CCDC178: variants seen among roughly 807,000 people sequenced by gnomAD.
CCDC178 encodes the protein coiled-coil domain-containing protein 178.
CCDC178 carries 126 observed loss-of-function variants against 117.4 expected under a neutral mutation model. The observed-to-expected ratio is 1.07, with a 90% CI of 0.93 to 1.24. CCDC178 has a LOEUF of 1.24. Among genes scored for constraint, CCDC178 ranks in the 50% most tolerant of loss-of-function variants. The pLI is 0.00. For missense variants in CCDC178, 1,030 were observed against 986.9 expected, an observed-to-expected ratio of 1.04 and a Z score of -0.59; for synonymous variants, 283 against 313.4, an observed-to-expected ratio of 0.90 and a Z score of 1.02.
intron 14 of CCDC178, among the ~76,000 whole-genome samples, chr18:33,255,142 C>A (rs996362595): frequency 4.6e-5 from 7 of 152,046 alleles, no homozygotes; most frequent in Non-Finnish European, 7.4e-5. Context: ...TCCCCTTTGA[C>A]CTTCTCCAGC....
chr18:33,184,215 C>A (rs575278432), intron 20 of CCDC178, among the ~76,000 whole-genome samples: 1 of 152,070 alleles, frequency 6.6e-6, no homozygotes, highest in South Asian at 2.1e-4. Flanking sequence ...AGAGACTATG[C>A]CTCTCTTGTT....
chr18:33,186,742 ATGT>A (rs2058799555), intron 20 of CCDC178, among the ~76,000 whole-genome samples: 1 of 151,548 alleles, frequency 6.6e-6, no homozygotes, highest in Non-Finnish European at 1.5e-5. Flanking sequence ...TGATGTTTTC[ATGT>A]TGTTAACTTG....
intron 2 of CCDC178, among the ~76,000 whole-genome samples, chr18:33,430,115 AT>A (rs2064188602): frequency 3.3e-5 from 5 of 152,180 alleles, no homozygotes; most frequent in East Asian, 1.9e-4. Flanking sequence ...TACAAAAAAA[AT>A]ACTTTTGTTG....
At chr18:33,322,645 T>C (rs1228152986) in intron 11 of CCDC178, among the ~76,000 whole-genome samples, 2 of 151,706 alleles carry the variant, frequency 1.3e-5, no homozygotes, top group African/African-American at 4.8e-5. Flanking sequence ...GAAATCATGA[T>C]AAAAATTAGA....
rs1401811932 is a variant in CCDC178 at position 33,033,539 on chromosome 18, C to T, written c.2389-58858G>A. On this transcript the variant is annotated intron_variant, in intron 21 of 22. Coordinates refer to ENST00000383096, the MANE Select transcript of CCDC178 (RefSeq NM_001105528.4). ...TCCATTAATTATTCATTCTTTCTACCCTATCCCCTTTTTAATTCACAAAAT... is the reference window on the plus strand; with the variant it reads ...TCCATTAATTATTCATTCTTTCTACTCTATCCCCTTTTTAATTCACAAAAT... 2.0e-5 allele frequency among the ~76,000 whole-genome samples: 3 copies of T among 151,950 alleles called. No homozygotes were observed. The East Asian group carries it at 5.8e-4, about 29-fold the overall frequency.
intron 3 of CCDC178, among the ~76,000 whole-genome samples, chr18:33,402,081 C>G (rs1459847707): frequency 2.6e-5 from 4 of 151,858 alleles, no homozygotes; most frequent in African/African-American, 9.7e-5. Context: ...TATTGAAGGC[C>G]ACACAAATGT....
chr18:32,943,636 T>A (rs2054287348), intron 22 of CCDC178, among the ~76,000 whole-genome samples: 1 of 152,222 alleles, frequency 6.6e-6, no homozygotes, highest in Admixed American at 6.5e-5. Context: ...CCCCATTGTG[T>A]TTTCTTGAGA....
chr18:33,153,856 A>G (rs2058364663), intron 20 of CCDC178, among the ~76,000 whole-genome samples: 1 of 151,894 alleles, frequency 6.6e-6, no homozygotes, highest in Non-Finnish European at 1.5e-5. Context: ...AAATTTGTAA[A>G]TAATATATAT....
chr18:33,181,514 T>C (rs995205238), intron 20 of CCDC178, among the ~76,000 whole-genome samples: 3 of 151,942 alleles, frequency 2.0e-5, no homozygotes, highest in African/African-American at 7.2e-5. Flanking sequence ...TACTACAACA[T>C]GAAATGCATG....
chr18:33,374,160 T>C (rs2063334835), intron 5 of CCDC178, among the ~76,000 whole-genome samples: 1 of 152,124 alleles, frequency 6.6e-6, no homozygotes, highest in Non-Finnish European at 1.5e-5. Context: ...TGGAAACATC[T>C]GGAAGAGGGC....
At chr18:33,205,290 T>C (rs900888769) in intron 20 of CCDC178, among the ~76,000 whole-genome samples, 1 of 151,980 alleles carries the variant, frequency 6.6e-6, no homozygotes, top group African/African-American at 2.4e-5. Flanking sequence ...CTAAATATTA[T>C]TATATAAAGC....
chr18:33,277,398 A>T (rs957075484), intron 12 of CCDC178, among the ~76,000 whole-genome samples: 3 of 152,154 alleles, frequency 2.0e-5, no homozygotes, highest in Non-Finnish European at 4.4e-5. Flanking sequence ...ATATGAGGAA[A>T]CCCTTTAAAA....
At chr18:33,192,247 G>C (rs537367795) in intron 20 of CCDC178, among the ~76,000 whole-genome samples, 1 of 152,178 alleles carries the variant, frequency 6.6e-6, no homozygotes, top group Admixed American at 6.5e-5. Flanking sequence ...GTTTAATATA[G>C]TATGAATTCA....
intron 21 of CCDC178, among the ~76,000 whole-genome samples, chr18:33,070,226 G>A (rs993100923): frequency 1.3e-5 from 2 of 151,900 alleles, no homozygotes; most frequent in African/African-American, 4.8e-5. Context: ...ACCTGCACCC[G>A]CATGTTTATT....
intron 20 of CCDC178, among the ~76,000 whole-genome samples, chr18:33,171,588 A>T (rs1248687193): frequency 6.6e-6 from 1 of 152,214 alleles, no homozygotes; most frequent in African/African-American, 2.4e-5. Context: ...GATCGTAGCT[A>T]TAGAGAGTGT....
intron 12 of CCDC178, among the ~76,000 whole-genome samples, chr18:33,278,690 T>C (rs2059983640): frequency 6.6e-6 from 1 of 152,080 alleles, no homozygotes; most frequent in South Asian, 2.1e-4. Flanking sequence ...ACTGACAGTA[T>C]TTAATACACA....
chr18:33,315,428 G>A (rs2062401871), intron 11 of CCDC178, among the ~76,000 whole-genome samples: 1 of 152,000 alleles, frequency 6.6e-6, no homozygotes, highest in Admixed American at 6.6e-5. Flanking sequence ...GATAAAACAG[G>A]CCAGCCCTGA....
chr18:33,384,118 T>C (rs1445252804), intron 5 of CCDC178, among the ~76,000 whole-genome samples: 1 of 152,036 alleles, frequency 6.6e-6, no homozygotes, highest in Non-Finnish European at 1.5e-5. Context: ...ATATCAGAGC[T>C]TGAAGACTAT....
intron 20 of CCDC178, among the ~76,000 whole-genome samples, chr18:33,208,107 C>A (rs572663932): frequency 6.6e-6 from 1 of 151,972 alleles, no homozygotes; most frequent in Non-Finnish European, 1.5e-5. Context: ...AAAAGCAATA[C>A]GATAAGCCTA....
Sources: gnomAD v4.1 joint callset for allele counts (sites outside exome capture counted in the v4.1 genomes callset) on GRCh38, gnomAD v4.1.1 for gene constraint, MANE v1.5 for transcripts, NCBI Gene and HGNC (gene_info 2026-07-23, HGNC 2026-07-21) for gene names.